Variants in CCDC125 observed in about 807,000 individuals in gnomAD.
CCDC125 encodes the protein coiled-coil domain containing 125, also known as coiled-coil domain-containing protein 125.
A neutral mutation model predicts 57.4 loss-of-function variants in CCDC125; 43 were observed. The ratio of observed to expected loss-of-function variants is 0.75; its 90% CI spans 0.59 to 0.97. The LOEUF is 0.97. Ranked by LOEUF, CCDC125 falls within the 50% of genes least tolerant of loss-of-function variation. The pLI, the probability that CCDC125 is intolerant of heterozygous loss-of-function variation, is 0.00. For missense variants in CCDC125, 563 were observed against 595.7 expected (o/e 0.95, Z 0.57); for synonymous variants, 187 against 195.2 (o/e 0.96, Z 0.35).
chr5:69,323,396 T>C (rs1408669905), intron 1 of CCDC125, among the ~76,000 whole-genome samples: 2 of 152,204 alleles, frequency 1.3e-5, no homozygotes, highest in Non-Finnish European at 2.9e-5. Context: ...ACTTTATATA[T>C]ATTTTCAATT....
chr5:69,308,251 A>C, intron 4 of CCDC125: 1 of 573,180 alleles, frequency 1.7e-6, no homozygotes, highest in Non-Finnish European at 3.1e-6. Context: ...AATTTTCCAC[A>C]CAAAGAAAGT....
In CCDC125 at chr5:69,294,918, T is replaced by C; in HGVS notation, c.817-18A>G. On this transcript the variant is annotated intron_variant, in intron 8 of 11. Coordinates refer to ENST00000396496, the MANE Select transcript of CCDC125 (RefSeq NM_176816.5). ...ACCGCAAGCTTTAAATTGAAAAGCA[T>C]TGCTCCTGTTATTAAGTGTCACACT... The C allele has an allele frequency of 3.1e-6, 5 of 1,602,268 alleles. No individual in the cohort carries two copies. Among genetic ancestry groups the C allele is most frequent in the Non-Finnish European group, 4.3e-6 (5 of 1,170,136 alleles).
intron 9 of CCDC125, chr5:69,294,307 C>T: frequency 5.9e-6 from 1 of 168,334 alleles, no homozygotes; most frequent in Non-Finnish European, 1.2e-5. Context: ...ATGCCAAGTA[C>T]TTTTTTTTTT....
intron 10 of CCDC125, among the ~76,000 whole-genome samples, chr5:69,290,617 T>C (rs945615771): frequency 7.0e-6 from 1 of 142,108 alleles, no homozygotes; most frequent in Non-Finnish European, 1.5e-5. Flanking sequence ...TTCTTTTTTT[T>C]TTCTTTTTTT....
At chr5:69,287,596 G>A (rs925799683) in intron 10 of CCDC125, among the ~76,000 whole-genome samples, 1 of 150,982 alleles carries the variant, frequency 6.6e-6, no homozygotes, top group Admixed American at 6.6e-5. Flanking sequence ...TTGAGACAGG[G>A]TCTTGCTCCA....
chr5:69,320,690 T>G, intron 1 of CCDC125, 110 bp from the exon 2 acceptor site: 3 of 617,172 alleles, frequency 4.9e-6, no homozygotes, highest in Non-Finnish European at 8.6e-6. Flanking sequence ...GATGTCTACA[T>G]TCCCATGTTT....
chr5:69,322,523 A>G (rs1300027121), intron 1 of CCDC125, among the ~76,000 whole-genome samples: 1 of 150,546 alleles, frequency 6.6e-6, no homozygotes, highest in Non-Finnish European at 1.5e-5. Flanking sequence ...CAGGAGTTTG[A>G]GACCAGCCTG....
intron 7 of CCDC125, 83 bp downstream of exon 7, chr5:69,303,764 T>C: frequency 1.3e-6 from 1 of 781,078 alleles, no homozygotes; most frequent in Non-Finnish European, 2.1e-6. Flanking sequence ...CTCCCCTCTA[T>C]TATACTTAAT....
the CCDC125 span, chr5:69,273,091 C>G: frequency 5.0e-6 from 6 of 1,204,982 alleles, no homozygotes; most frequent in East Asian, 7.5e-5. Context: ...ATAATCTTAA[C>G]TGTAGCATTG....
intron 2 of CCDC125, among the ~76,000 whole-genome samples, chr5:69,314,275 G>A (rs1289673796): frequency 6.6e-6 from 1 of 151,992 alleles, no homozygotes; most frequent in East Asian, 1.9e-4. Flanking sequence ...GGCCAGCCTG[G>A]CCAACATGGT....
At chr5:69,283,169 A>C in intron 11 of CCDC125, 135 bp from the exon 12 acceptor site, 1 of 644,304 alleles carries the variant, frequency 1.6e-6, no homozygotes, top group East Asian at 2.8e-5. Flanking sequence ...AGTATGAATA[A>C]ATTAGGTATC....
At chr5:69,277,406 A>AGTTTC, downstream of CCDC125, 2 of 303,800 alleles carry the variant, frequency 6.6e-6, no homozygotes. Context: ...AATAAAAATT[A>AGTTTC]TTACCAGTTA....
At chr5:69,299,346 T>C (rs557361117) in intron 8 of CCDC125, among the ~76,000 whole-genome samples, 3 of 152,230 alleles carry the variant, frequency 2.0e-5, no homozygotes, top group Admixed American at 6.5e-5. Context: ...CCTGACCTTG[T>C]GATCCGCCCG....
chr5:69,303,899 CTCTT>C lies in CCDC125; in HGVS notation c.644_647del (p.Lys215ArgfsTer3). The C allele has an allele frequency of 6.2e-7, 1 of 1,607,346 alleles. No individual in the cohort carries two copies. Among genetic ancestry groups the C allele is most frequent in the Non-Finnish European group, 8.5e-7 (1 of 1,177,538 alleles). ...TTTCTTCTGTTTTCACTTTCAAATT[CTCTT>C]TGAGGACTGCATTTTCACAGTTTAG... On this transcript the variant is annotated frameshift_variant, in exon 7 of 12. Transcript: ENST00000396496. LOFTEE classifies it high-confidence loss of function.
In CCDC125 at chr5:69,320,266, A is replaced by T. The variant is rs1321906386; in HGVS notation, c.275T>A (p.Ile92Asn). The change falls in exon 2 of 12, where the codon ATT (isoleucine) becomes AAT (asparagine). Residue 92 changes from isoleucine to asparagine, a missense_variant. Coordinates refer to ENST00000396496, the MANE Select transcript of CCDC125 (RefSeq NM_176816.5). ...GCTACTTTGTCGTCTGTAATTGGAAATTCTGGACACTTGAGGGAATGTATC... is the reference window on the plus strand; with the variant it reads ...GCTACTTTGTCGTCTGTAATTGGAATTTCTGGACACTTGAGGGAATGTATC... ...QQDTFPQVSR[I>N]SNYRRQSSTV... 6.2e-7 allele frequency: 1 copy of T among 1,613,720 alleles called. No individual in the cohort carries two copies. Among genetic ancestry groups the T allele is most frequent in the Non-Finnish European group, 8.5e-7 (1 of 1,179,932 alleles).
chr5:69,302,645 A>G (rs1756674203), intron 7 of CCDC125, among the ~76,000 whole-genome samples: 1 of 151,634 alleles, frequency 6.6e-6, no homozygotes, highest in South Asian at 2.1e-4. Context: ...GAATTGCTTA[A>G]ACCCAGGAGG....
intron 11 of CCDC125, 28 bp from the exon 12 acceptor site, chr5:69,283,062 A>AAGTT: frequency 6.6e-7 from 1 of 1,515,684 alleles, no homozygotes; most frequent in Non-Finnish European, 8.9e-7. Context: ...AAACATGTAC[A>AAGTT]AGTTAGTCAA....
intron 11 of CCDC125, among the ~76,000 whole-genome samples, chr5:69,284,105 A>T (rs570078842): frequency 9.9e-5 from 15 of 152,114 alleles, no homozygotes; most frequent in Admixed American, 3.3e-4. Context: ...ATTATTTTTT[A>T]AAAATAATTT....
Position 69,282,838 on chromosome 5 carries a change from C to G in CCDC125, c.1427G>C (p.Cys476Ser). 1 of 1,614,026 alleles carries G rather than the reference C, an allele frequency of 6.2e-7. No homozygotes were observed. Among genetic ancestry groups the G allele is most frequent in the Non-Finnish European group, 8.5e-7 (1 of 1,179,950 alleles). The change falls in exon 12 of 12, where the codon TGC becomes TCC. Residue 476 changes from cysteine (C) to serine (S), a missense_variant. Coordinates refer to ENST00000396496, the MANE Select transcript of CCDC125 (RefSeq NM_176816.5). ...AATGCAGCCCACAGAATTTAAAATG[C>G]AGACACTTGAATGTATAGGATCACC... ...VLGDPIHSSV[C>S]ILNSVGCICS...
Sources: allele counts gnomAD v4.1 joint callset (sites outside exome capture counted in the v4.1 genomes callset), GRCh38; gene constraint gnomAD v4.1.1; transcripts MANE v1.5; gene names NCBI Gene and HGNC (gene_info 2026-07-23, HGNC 2026-07-21).